RABGEF1: variants seen among roughly 807,000 people sequenced by gnomAD.
The protein encoded by RABGEF1 is RAB guanine nucleotide exchange factor 1, also known as rab5 GDP/GTP exchange factor.
Under a neutral mutation model 57.3 loss-of-function variants are expected in RABGEF1, and 26 were observed. That is an observed-to-expected ratio of 0.45 (90% CI 0.33 to 0.63). The LOEUF (loss-of-function observed/expected upper bound fraction) is 0.63, where lower values mean the gene tolerates loss of function less well. Among genes scored for constraint, RABGEF1 ranks in the 20% least tolerant of loss-of-function variants. The pLI is 0.02. For missense variants in RABGEF1, 464 were observed against 607.6 expected (o/e 0.76, Z 2.48); for synonymous variants, 185 against 210.7 (o/e 0.88, Z 1.06).
At chr7:66,777,228 A>G (rs1243095683) in intron 3 of RABGEF1, among the ~76,000 whole-genome samples, 1 of 152,226 alleles carries the variant, frequency 6.6e-6, no homozygotes, top group Non-Finnish European at 1.5e-5. Context: ...AGTATTTATG[A>G]TAACAGATGA....
At chr7:66,797,550 T>C (rs1177703072) in intron 6 of RABGEF1, 44 bp downstream of exon 6, 3 of 1,584,912 alleles carry the variant, frequency 1.9e-6, no homozygotes, top group Non-Finnish European at 2.6e-6. Flanking sequence ...TACCTTCTAA[T>C]GGAAGAACAC....
At chr7:66,733,590 C>T (rs891834700) in intron 2 of RABGEF1, among the ~76,000 whole-genome samples, 1 of 152,070 alleles carries the variant, frequency 6.6e-6, no homozygotes, top group African/African-American at 2.4e-5. Context: ...CCCAGCTACT[C>T]GGGAGGCTGA....
At chr7:66,660,819 A>G in the RABGEF1 span, among the ~76,000 whole-genome samples, 1 of 152,234 alleles carries the variant, frequency 6.6e-6, no homozygotes, top group Non-Finnish European at 1.5e-5. Context: ...AATACTTTCT[A>G]ACTCATTCTA....
At chr7:66,715,790 C>T (rs1476907609) in intron 2 of RABGEF1, among the ~76,000 whole-genome samples, 1 of 151,686 alleles carries the variant, frequency 6.6e-6, no homozygotes, top group Non-Finnish European at 1.5e-5. Context: ...GTTACCTAAG[C>T]TGGAGTGCAG....
intron 4 of RABGEF1, among the ~76,000 whole-genome samples, chr7:66,787,974 G>T (rs994813799): frequency 1.1e-4 from 16 of 152,130 alleles, no homozygotes; most frequent in African/African-American, 3.4e-4. Context: ...AAAACTTCTG[G>T]AAAAACTCTT....
intron 1 of RABGEF1, among the ~76,000 whole-genome samples, chr7:66,767,137 G>T (rs1170565262): frequency 6.6e-6 from 1 of 151,734 alleles, no homozygotes; most frequent in Admixed American, 6.6e-5. Flanking sequence ...CAAGTAGCTG[G>T]GATTACAGAC....
intron 4 of RABGEF1, among the ~76,000 whole-genome samples, chr7:66,794,530 A>G (rs1411927449): frequency 1.3e-5 from 2 of 152,176 alleles, no homozygotes; most frequent in Admixed American, 1.3e-4. Context: ...GTGAGAAACA[A>G]ATACATATAT....
At chr7:66,681,460 G>C (rs138945189), upstream of RABGEF1, among the ~76,000 whole-genome samples, 2,816 of 147,700 alleles carry the variant, frequency 0.019, 46 homozygotes, top group Non-Finnish European at 0.027. Context: ...CTGGAGTTCA[G>C]TGGAGGGATC....
chr7:66,672,432 A>G, the RABGEF1 span, among the ~76,000 whole-genome samples: 1 of 152,288 alleles, frequency 6.6e-6, no homozygotes, highest in South Asian at 2.1e-4. Flanking sequence ...ACTCCATCTC[A>G]AACAAACAAA....
At chr7:66,681,633 G>GCCTCAAGCGATCCTCCTGC, upstream of RABGEF1, among the ~76,000 whole-genome samples, 1 of 152,210 alleles carries the variant, frequency 6.6e-6, no homozygotes, top group East Asian at 1.9e-4. Context: ...CGAACTCCTG[G>GCCTCAAGCGATCCTCCTGC]CCTCAAGCGA....
intron 3 of RABGEF1, among the ~76,000 whole-genome samples, chr7:66,780,891 T>G (rs1009387102): frequency 6.6e-6 from 1 of 152,156 alleles, no homozygotes; most frequent in African/African-American, 2.4e-5. Context: ...AGAGTATGCT[T>G]TTCCTTTCAT....
intron 2 of RABGEF1, among the ~76,000 whole-genome samples, chr7:66,721,387 G>A (rs1472263814): frequency 6.6e-6 from 1 of 152,168 alleles, no homozygotes; most frequent in Non-Finnish European, 1.5e-5. Flanking sequence ...AAGTCAGTCT[G>A]TCTGAAATCA....
the RABGEF1 span, among the ~76,000 whole-genome samples, chr7:66,666,920 G>A: frequency 6.6e-6 from 1 of 152,208 alleles, no homozygotes; most frequent in African/African-American, 2.4e-5. Context: ...CTCCACCACA[G>A]TAGGGAGCTG....
chr7:66,808,830 G>T, intron 8 of RABGEF1, 56 bp from the exon 9 acceptor site: 4 of 1,426,608 alleles, frequency 2.8e-6, no homozygotes, highest in South Asian at 2.7e-5. Flanking sequence ...TTTACAAATC[G>T]ACTCGAGTAT....
chr7:66,701,655 C>T (rs1439799244), intron 1 of RABGEF1, among the ~76,000 whole-genome samples: 2 of 151,904 alleles, frequency 1.3e-5, no homozygotes, highest in East Asian at 3.9e-4. Flanking sequence ...ATTACAGGTG[C>T]CTGCCACCAC....
At chr7:66,789,815 G>A (rs182718616) in intron 4 of RABGEF1, among the ~76,000 whole-genome samples, 5 of 151,994 alleles carry the variant, frequency 3.3e-5, no homozygotes, top group East Asian at 3.9e-4. Context: ...TGGGGCAGCC[G>A]TGGTGGCTCC....
At chr7:66,691,710 A>G (rs1791542415) in intron 1 of RABGEF1, among the ~76,000 whole-genome samples, 1 of 152,134 alleles carries the variant, frequency 6.6e-6, no homozygotes, top group Non-Finnish European at 1.5e-5. Flanking sequence ...TGTGTTCAAT[A>G]ATTTTGCCAA....
rs140987753 is a variant in RABGEF1, at chr7:66,773,269, G to A, written c.179+1191G>A. 1.9e-3 allele frequency among the ~76,000 whole-genome samples: 285 copies of A among 152,192 alleles called. 1 individual carries two copies. Among genetic ancestry groups the A allele is most frequent in the African/African-American group, 6.6e-3 (272 of 41,500 alleles). On this transcript the variant is annotated intron_variant, in intron 2 of 8. Coordinates refer to ENST00000284957, the MANE Select transcript of RABGEF1 (RefSeq NM_014504.3). ...TTCCACTGCATGCCTGATGCTGTCA[G>A]TAGCAGATCCTGTTTCAAAAACAGA...
intron 5 of RABGEF1, 124 bp downstream of exon 5, chr7:66,795,716 G>A: frequency 3.5e-6 from 3 of 863,342 alleles, no homozygotes; most frequent in Non-Finnish European, 5.8e-6. Context: ...TAACCTCATG[G>A]ACATTCTGGG....
Sources: gnomAD v4.1 joint callset for allele counts (sites outside exome capture counted in the v4.1 genomes callset) on GRCh38, gnomAD v4.1.1 for gene constraint, MANE v1.5 for transcripts, NCBI Gene and HGNC (gene_info 2026-07-23, HGNC 2026-07-21) for gene names.